PLCE1: variants seen among roughly 807,000 people sequenced by gnomAD.
PLCE1 encodes 1-phosphatidylinositol 4,5-bisphosphate phosphodiesterase epsilon-1.
Under a neutral mutation model 242.8 loss-of-function variants are expected in PLCE1, and 119 were observed. The observed-to-expected ratio is 0.49, with a 90% CI of 0.42 to 0.57. The LOEUF (loss-of-function observed/expected upper bound fraction) is 0.57, where lower values mean the gene tolerates loss of function less well. Ranked by LOEUF, PLCE1 falls within the 20% of genes least tolerant of loss-of-function variation. The pLI is 0.00. For synonymous variants in PLCE1, 945 were observed against 1,017.4 expected, an observed-to-expected ratio of 0.93 and a Z score of 1.35; for missense variants, 2,441 against 2,788.8, an observed-to-expected ratio of 0.88 and a Z score of 2.81.
intron 24 of PLCE1, 151 bp from the exon 25 acceptor site, chr10:94,304,331 A>C: frequency 1.3e-6 from 1 of 753,842 alleles, no homozygotes; most frequent in South Asian, 1.5e-5. Context: ...GTCATTTATC[A>C]ATCTGTGGGA....
At chr10:94,244,735 C>G (rs1295148544) in intron 7 of PLCE1, among the ~76,000 whole-genome samples, 1 of 152,074 alleles carries the variant, frequency 6.6e-6, no homozygotes, top group Non-Finnish European at 1.5e-5. Flanking sequence ...CAGGGTCTTG[C>G]TCTATTGCCC....
chr10:94,144,195 A>G (rs966711703), intron 3 of PLCE1, among the ~76,000 whole-genome samples: 4 of 152,202 alleles, frequency 2.6e-5, no homozygotes, highest in African/African-American at 9.7e-5. Context: ...CAAAGCCAGT[A>G]TTTGATCCTA....
At chr10:94,058,362 C>T (rs2043961163) in intron 2 of PLCE1, among the ~76,000 whole-genome samples, 1 of 152,142 alleles carries the variant, frequency 6.6e-6, no homozygotes, top group Admixed American at 6.6e-5. Context: ...ATAATGATAA[C>T]AACCTTTCAC....
intron 30 of PLCE1, among the ~76,000 whole-genome samples, chr10:94,323,700 A>T (rs923213525): frequency 2.6e-5 from 4 of 152,236 alleles, no homozygotes; most frequent in African/African-American, 9.6e-5. Context: ...AACTTAGTTA[A>T]TATTAGCCAT....
chr10:94,106,912 T>TTCTCTCTCTCTCTCTCTCTCTTTCTC (rs2045758081), intron 2 of PLCE1, among the ~76,000 whole-genome samples: 1 of 38,734 alleles, frequency 2.6e-5, no homozygotes, highest in Non-Finnish European at 5.0e-5. Flanking sequence ...TGTCTCTTGT[T>TTCTCTCTCTCTCTCTCTCTCTTTCTC]TCTCTCTCTC....
chr10:94,237,016 T>C (rs762403563), intron 7 of PLCE1, among the ~76,000 whole-genome samples: 10 of 152,210 alleles, frequency 6.6e-5, no homozygotes, highest in Non-Finnish European at 1.5e-4. Flanking sequence ...ATGTAGTCTA[T>C]ACAGTGACTA....
At chr10:94,311,998 C>T (rs765958520) in intron 27 of PLCE1, among the ~76,000 whole-genome samples, 2 of 152,156 alleles carry the variant, frequency 1.3e-5, no homozygotes, top group Non-Finnish European at 2.9e-5. Flanking sequence ...CAGCTGTCAC[C>T]TAGCTCTCAG....
chr10:94,090,781 G>T (rs1202692015), intron 2 of PLCE1, among the ~76,000 whole-genome samples: 2 of 152,144 alleles, frequency 1.3e-5, no homozygotes, highest in East Asian at 1.9e-4. Context: ...AAACAGACTG[G>T]CAGCAGTCTC....
intron 4 of PLCE1, among the ~76,000 whole-genome samples, chr10:94,203,873 T>C (rs112368376): frequency 3.4e-4 from 52 of 151,082 alleles, no homozygotes; most frequent in Non-Finnish European, 5.7e-4. Context: ...TAGTCTCTAA[T>C]TTGAAACAGC....
chr10:94,157,019 A>T (rs764572516), intron 3 of PLCE1, among the ~76,000 whole-genome samples: 1 of 151,886 alleles, frequency 6.6e-6, no homozygotes, highest in Non-Finnish European at 1.5e-5. Context: ...TTGGGGGGCG[A>T]GGTCTTTTTT....
At chr10:94,308,167 A>G (rs912193810) in intron 26 of PLCE1, among the ~76,000 whole-genome samples, 1 of 152,220 alleles carries the variant, frequency 6.6e-6, no homozygotes, top group African/African-American at 2.4e-5. Flanking sequence ...ATTCCATTCT[A>G]TACTTACACT....
chr10:94,266,169 A>G (rs2051508725), intron 16 of PLCE1, among the ~76,000 whole-genome samples: 1 of 152,116 alleles, frequency 6.6e-6, no homozygotes. Context: ...TCCCCCATCT[A>G]TACTTAACCT....
At chr10:94,319,164 T>TAAC (rs2053684221) in intron 29 of PLCE1, among the ~76,000 whole-genome samples, 1 of 152,208 alleles carries the variant, frequency 6.6e-6, no homozygotes. Context: ...AAGGGAAGGC[T>TAAC]AACAAGATTT....
In PLCE1 at chr10:94,151,148, A is replaced by G. The variant is rs902064338; in HGVS notation, c.1492+18689A>G. 5.3e-5 allele frequency among the ~76,000 whole-genome samples: 8 copies of G among 152,246 alleles called. 1 individual carries two copies. Among genetic ancestry groups the G allele is most frequent in the Admixed American group, 1.3e-4 (2 of 15,290 alleles). On this transcript the variant is annotated intron_variant, in intron 3 of 32. Transcript: ENST00000371380. ...CATGTGCATTTTCTTTACATGTCTC[A>G]TTGGGCTGGCCTCCATCCTCCCACC...
intron 17 of PLCE1, among the ~76,000 whole-genome samples, chr10:94,269,375 A>G (rs1328309068): frequency 6.6e-6 from 1 of 151,906 alleles, no homozygotes; most frequent in Non-Finnish European, 1.5e-5. Context: ...AAGTACCGGG[A>G]TTACAGACGT....
rs769579751 is a variant in PLCE1, at chr10:94,298,367, T to TG, written c.5168-6dup. Reference sequence around the variant, plus strand: ...CTACACTAATCTGCGGCTAATTTCTTGGGGGGTTTAGGTTCCTGTGAAGGC... The same window carrying TG: ...CTACACTAATCTGCGGCTAATTTCTTGGGGGGGTTTAGGTTCCTGTGAAGGC... On this transcript the variant is annotated splice_polypyrimidine_tract_variant and intron_variant, in intron 23 of 32. Transcript: ENST00000371380. This position sits in a 1 kb window ranked among gnomAD's most constrained non-coding sequence, Gnocchi z 5.2. 4 of 1,613,718 alleles carry TG rather than the reference T, an allele frequency of 2.5e-6. No homozygotes were observed. The highest frequency in any genetic ancestry group is 3.4e-6 in the Non-Finnish European group (4 of 1,179,638).
At chr10:94,205,020 T>C (rs959085800) in intron 4 of PLCE1, among the ~76,000 whole-genome samples, 2 of 152,240 alleles carry the variant, frequency 1.3e-5, no homozygotes, top group African/African-American at 2.4e-5. Context: ...GGCGTAAGGA[T>C]AAAGCTTAGA....
Position 94,215,033 on chromosome 10 carries a change from A to G in PLCE1, c.1810-12273A>G, listed in dbSNP as rs79639935. Among the ~76,000 whole-genome samples, 464 of 152,236 alleles carry G rather than the reference A, an allele frequency of 3.0e-3. 7 individuals are homozygous for G. The highest frequency in any genetic ancestry group is 0.011 in the African/African-American group (441 of 41,540). On this transcript the variant is annotated intron_variant, in intron 4 of 32. Transcript: ENST00000371380. ...CCACACTCTCACCCTCTGCTGCCCA[A>G]TCATCTCAGGGAAAATGGAGTCTTC...
At chr10:94,259,599 T>C (rs2051224293) in intron 13 of PLCE1, among the ~76,000 whole-genome samples, 1 of 152,192 alleles carries the variant, frequency 6.6e-6, no homozygotes, top group South Asian at 2.1e-4. Flanking sequence ...TAGAGAATTA[T>C]TTTAAGGTGT....
Sources: gnomAD v4.1 joint callset for allele counts (sites outside exome capture counted in the v4.1 genomes callset) on GRCh38, gnomAD v4.1.1 for gene constraint, Gnocchi (gnomAD v3.1) non-coding constraint, MANE v1.5 for transcripts, NCBI Gene and HGNC (gene_info 2026-07-23, HGNC 2026-07-21) for gene names.